Variants in SOHLH2 observed in about 807,000 individuals in gnomAD.
SOHLH2 encodes spermatogenesis and oogenesis specific basic helix-loop-helix 2, also known as spermatogenesis- and oogenesis-specific basic helix-loop-helix-containing protein 2.
SOHLH2 carries 22 observed loss-of-function variants against 50.4 expected under a neutral mutation model. The observed-to-expected ratio is 0.44, with a 90% CI of 0.31 to 0.62. The LOEUF (loss-of-function observed/expected upper bound fraction) is 0.62, where lower values mean the gene tolerates loss of function less well. Ranked by LOEUF, SOHLH2 falls within the 20% of genes least tolerant of loss-of-function variation. SOHLH2 has a pLI of 0.08. For missense variants in SOHLH2, 412 were observed against 504.4 expected, an observed-to-expected ratio of 0.82 and a Z score of 1.76; for synonymous variants, 185 against 187.3, an observed-to-expected ratio of 0.99 and a Z score of 0.10.
intron 2 of SOHLH2, among the ~76,000 whole-genome samples, chr13:36,196,170 G>A (rs899054044): frequency 6.6e-6 from 1 of 150,722 alleles, no homozygotes; most frequent in Non-Finnish European, 1.5e-5. Context: ...TTGTCACTCA[G>A]GCGGGAGTGC....
intron 1 of SOHLH2, 150 bp from the exon 2 acceptor site, chr13:36,202,243 C>G: frequency 1.1e-6 from 1 of 950,604 alleles, no homozygotes; most frequent in East Asian, 2.6e-5. Context: ...CAACTATAAG[C>G]AGCTCAAGGA....
intron 2 of SOHLH2, among the ~76,000 whole-genome samples, chr13:36,198,257 TGAG>T (rs1455687298): frequency 6.6e-6 from 1 of 152,196 alleles, no homozygotes; most frequent in East Asian, 1.9e-4. Context: ...ACCATTTCAT[TGAG>T]AAGAAAACCG....
At chr13:36,199,882 A>G (rs1230295845) in intron 2 of SOHLH2, among the ~76,000 whole-genome samples, 4 of 152,238 alleles carry the variant, frequency 2.6e-5, no homozygotes, top group Non-Finnish European at 5.9e-5. Flanking sequence ...CTTGGAATGA[A>G]GAGAGAGACC....
chr13:36,198,480 C>G (rs1212007443), intron 2 of SOHLH2, among the ~76,000 whole-genome samples: 1 of 152,152 alleles, frequency 6.6e-6, no homozygotes, highest in Non-Finnish European at 1.5e-5. Flanking sequence ...TATGTCACCA[C>G]TAGGTAGTGT....
chr13:36,176,639 G>A (rs2138272263), intron 6 of SOHLH2, among the ~76,000 whole-genome samples: 1 of 152,088 alleles, frequency 6.6e-6, no homozygotes, highest in Admixed American at 6.5e-5. Context: ...TACAATATTT[G>A]TACCTGAAAC....
intron 2 of SOHLH2, among the ~76,000 whole-genome samples, chr13:36,198,276 C>T (rs1887794031): frequency 6.6e-6 from 1 of 152,208 alleles, no homozygotes; most frequent in Admixed American, 6.5e-5. Context: ...AACCGCAACT[C>T]CCCATATACT....
chr13:36,203,207 C>T (rs1028662034), intron 1 of SOHLH2, among the ~76,000 whole-genome samples: 8 of 152,112 alleles, frequency 5.3e-5, no homozygotes, highest in African/African-American at 1.9e-4. Context: ...CATATAAGTA[C>T]GATACACACA....
rs1256907385 is a variant in SOHLH2 at position 36,174,706 on chromosome 13, T to C, written c.789+16A>G. 6.3e-7 allele frequency: 1 copy of C among 1,594,100 alleles called. No individual in the cohort carries two copies. Among genetic ancestry groups the C allele is most frequent in the Admixed American group, 1.8e-5 (1 of 55,870 alleles). On this transcript the variant is annotated intron_variant, in intron 7 of 10. Coordinates refer to ENST00000379881, the MANE Select transcript of SOHLH2 (RefSeq NM_017826.3). ...TGTCTATAAGGATAAAATTCAAAGC[T>C]TTGGGAGTCAAATACCTGGGCCATA...
intron 6 of SOHLH2, among the ~76,000 whole-genome samples, chr13:36,186,408 T>G (rs1415735669): frequency 1.3e-5 from 2 of 152,190 alleles, no homozygotes; most frequent in Non-Finnish European, 2.9e-5. Context: ...CTCTCCTCTG[T>G]ATAAATGTGT....
At chr13:36,196,122 AG>A (rs67603930) in intron 2 of SOHLH2, among the ~76,000 whole-genome samples, 1,448 of 140,264 alleles carry the variant, frequency 0.01, 8 homozygotes, top group Non-Finnish European at 0.014. Context: ...ATAGATAGAT[AG>A]ATAATTTTTT....
intron 1 of SOHLH2, among the ~76,000 whole-genome samples, chr13:36,208,655 T>G (rs1279624862): frequency 1.3e-5 from 2 of 152,134 alleles, no homozygotes; most frequent in South Asian, 2.1e-4. Context: ...TACACTTAAT[T>G]TTTTGTTTCT....
At chr13:36,181,628 AAT>A (rs1334621154) in intron 6 of SOHLH2, among the ~76,000 whole-genome samples, 21 of 152,170 alleles carry the variant, frequency 1.4e-4, no homozygotes, top group African/African-American at 4.8e-4. Flanking sequence ...TTCTTCATGT[AAT>A]AGTCATATGT....
In SOHLH2 at chr13:36,178,097, T is replaced by C. The variant is rs548853550; in HGVS notation, c.642-3228A>G. ...AATAAATATAAATTAATATTACATATATTAAAAATTCTTTTCCTAAGTTGC... is the reference window on the plus strand; with the variant it reads ...AATAAATATAAATTAATATTACATACATTAAAAATTCTTTTCCTAAGTTGC... On this transcript the variant is annotated intron_variant, in intron 6 of 10. Coordinates refer to ENST00000379881, the MANE Select transcript of SOHLH2 (RefSeq NM_017826.3). 2.0e-5 allele frequency among the ~76,000 whole-genome samples: 3 copies of C among 151,798 alleles called. No individual in the cohort carries two copies. The South Asian group carries it at 6.2e-4, about 31-fold the overall frequency.
chr13:36,193,335 T>C (rs542628106), intron 4 of SOHLH2, among the ~76,000 whole-genome samples: 8 of 152,294 alleles, frequency 5.3e-5, no homozygotes, highest in Admixed American at 3.9e-4. Flanking sequence ...GTTAATTCCA[T>C]TTTAATGAGT....
chr13:36,177,110 AT>A (rs905380518), intron 6 of SOHLH2, among the ~76,000 whole-genome samples: 4 of 151,968 alleles, frequency 2.6e-5, no homozygotes, highest in Non-Finnish European at 4.4e-5. Context: ...CAATTCTAGT[AT>A]TTTTTTTCCA....
Position 36,184,460 on chromosome 13 carries a change from C to CTTTTTTTTTTTTTTTTTTT in SOHLH2, c.641+5467_641+5485dup, listed in dbSNP as rs1229884029. ...GATGGAAGTTTCTACCTACAAAGACCTTTTTTTTTTTTTTTTTTTGAGACG... is the reference window on the plus strand; with the variant it reads ...GATGGAAGTTTCTACCTACAAAGACCTTTTTTTTTTTTTTTTTTTTTTTTTTTTTTTTTTTTTTGAGACG... On this transcript the variant is annotated intron_variant, in intron 6 of 10. Transcript: ENST00000379881. Among the ~76,000 whole-genome samples, 356 of 121,092 alleles carry CTTTTTTTTTTTTTTTTTTT rather than the reference C, an allele frequency of 2.9e-3. 29 individuals carry two copies. Among genetic ancestry groups the CTTTTTTTTTTTTTTTTTTT allele is most frequent in the African/African-American group, 3.2e-3 (105 of 32,326 alleles). The allele number at this position is 121,092 out of a possible 152,430, so 79.4% of individuals were successfully genotyped here.
At chr13:36,171,973 C>T (rs966662938) in intron 9 of SOHLH2, among the ~76,000 whole-genome samples, 4 of 152,086 alleles carry the variant, frequency 2.6e-5, no homozygotes, top group Non-Finnish European at 5.9e-5. Context: ...AAAATGAACA[C>T]GGTGATTATC....
At chr13:36,198,342 A>C (rs750792031) in intron 2 of SOHLH2, among the ~76,000 whole-genome samples, 2 of 152,232 alleles carry the variant, frequency 1.3e-5, no homozygotes, top group African/African-American at 2.4e-5. Flanking sequence ...GATAAGTATC[A>C]GGATGTGTCT....
chr13:36,185,312 C>A (rs1197776846), intron 6 of SOHLH2, among the ~76,000 whole-genome samples: 1 of 151,952 alleles, frequency 6.6e-6, no homozygotes, highest in African/African-American at 2.4e-5. Context: ...ACTAAAAATA[C>A]AAAAATTAGC....
Sources: allele counts gnomAD v4.1 joint callset (sites outside exome capture counted in the v4.1 genomes callset), GRCh38; gene constraint gnomAD v4.1.1; transcripts MANE v1.5; gene names NCBI Gene and HGNC (gene_info 2026-07-23, HGNC 2026-07-21).